Variants in ST8SIA5 observed in about 807,000 individuals in gnomAD.
The protein encoded by ST8SIA5 is alpha-2,8-sialyltransferase 8E.
A neutral mutation model predicts 40.2 loss-of-function variants in ST8SIA5; 24 were observed. That is an observed-to-expected ratio of 0.60 (90% CI 0.43 to 0.84). The LOEUF (loss-of-function observed/expected upper bound fraction) is 0.84, where lower values mean the gene tolerates loss of function less well. Ranked by LOEUF, ST8SIA5 falls within the 40% of genes least tolerant of loss-of-function variation. The pLI is 0.00. For missense variants in ST8SIA5, 465 were observed against 498.5 expected, an observed-to-expected ratio of 0.93 and a Z score of 0.64; for synonymous variants, 198 against 201.8, an observed-to-expected ratio of 0.98 and a Z score of 0.16.
At position 46,708,681 on chromosome 18, in the gene ST8SIA5, C is replaced by T. The variant is rs187155668; in HGVS notation, c.132-4017G>A. On this transcript the variant is annotated intron_variant, in intron 1 of 6. Coordinates refer to ENST00000315087, the MANE Select transcript of ST8SIA5 (RefSeq NM_013305.6). ...CTGAAATTACTCAGATCAACCAATC[C>T]TAAACCTGCAAACCCTGCCTCACCA... 6.5e-4 allele frequency among the ~76,000 whole-genome samples: 99 copies of T among 152,274 alleles called. 3 individuals are homozygous for T. In the East Asian group the frequency reaches 0.015, roughly 24 times the overall value.
At chr18:46,700,730 G>A (rs962263075) in intron 2 of ST8SIA5, among the ~76,000 whole-genome samples, 1 of 152,208 alleles carries the variant, frequency 6.6e-6, no homozygotes, top group African/African-American at 2.4e-5. Flanking sequence ...CTCACCCTAG[G>A]AGCCCAGCCC....
intron 2 of ST8SIA5, among the ~76,000 whole-genome samples, chr18:46,699,623 C>T (rs2039591380): frequency 6.6e-6 from 1 of 152,216 alleles, no homozygotes; most frequent in South Asian, 2.1e-4. Flanking sequence ...TCGTGATCCA[C>T]CCGCCTCGGC....
At chr18:46,704,710 G>A (rs747011859) in intron 1 of ST8SIA5, 46 bp from the exon 2 acceptor site, 10 of 1,509,682 alleles carry the variant, frequency 6.6e-6, no homozygotes, top group South Asian at 1.1e-5. Context: ...AGGTCAGGAT[G>A]TCCAGGGCCT....
At chr18:46,726,323 G>C (rs1289821166) in intron 1 of ST8SIA5, among the ~76,000 whole-genome samples, 1 of 151,996 alleles carries the variant, frequency 6.6e-6, no homozygotes, top group Non-Finnish European at 1.5e-5. Context: ...GCTGGGCCAA[G>C]TAACAGCAAA....
At chr18:46,753,243 A>C (rs2040211182) in intron 1 of ST8SIA5, among the ~76,000 whole-genome samples, 1 of 152,222 alleles carries the variant, frequency 6.6e-6, no homozygotes, top group African/African-American at 2.4e-5. Flanking sequence ...TGTGCTGGAC[A>C]CCAAGTTTGG....
intron 6 of ST8SIA5, among the ~76,000 whole-genome samples, chr18:46,681,588 C>T (rs2039396947): frequency 1.3e-5 from 2 of 152,200 alleles, no homozygotes; most frequent in African/African-American, 4.8e-5. Flanking sequence ...GAGCTGCCTG[C>T]CCTGGTCACA....
chr18:46,682,592 T>C (rs1397273411), intron 5 of ST8SIA5, among the ~76,000 whole-genome samples: 1 of 152,106 alleles, frequency 6.6e-6, no homozygotes, highest in East Asian at 1.9e-4. Context: ...GTAGGAAGAG[T>C]AATAGCCCCC....
intron 1 of ST8SIA5, among the ~76,000 whole-genome samples, chr18:46,749,114 A>G (rs1433193636): frequency 6.6e-6 from 1 of 152,214 alleles, no homozygotes; most frequent in Admixed American, 6.5e-5. Flanking sequence ...ACATAGGACA[A>G]CATAGCATAT....
intron 1 of ST8SIA5, among the ~76,000 whole-genome samples, chr18:46,750,938 G>A (rs920009824): frequency 6.6e-6 from 1 of 152,060 alleles, no homozygotes; most frequent in African/African-American, 2.4e-5. Context: ...GTTGCTCTCA[G>A]ATTTTTTTAA....
intron 1 of ST8SIA5, among the ~76,000 whole-genome samples, chr18:46,711,451 A>C (rs1281718287): frequency 6.6e-6 from 1 of 152,188 alleles, no homozygotes; most frequent in Non-Finnish European, 1.5e-5. Flanking sequence ...GGACTGTGAG[A>C]GCCCGGAACC....
rs1391106601 is a variant in ST8SIA5 at position 46,673,930 on chromosome 18, G to A, written c.*6112C>T. ...TAGCCTCTTCCCAGAGGGTGCTCTG[G>A]TTACAGGGAGGAGACTAGGTCAGGG... On this transcript the variant is annotated 3_prime_UTR_variant, in exon 7 of 7. Transcript: ENST00000315087. The A allele has an allele frequency of 6.6e-6, 1 of 152,146 alleles. No homozygotes were observed. The allele number at this position is 152,146 out of a possible 1,614,324, so 9.4% of individuals were successfully genotyped here.
intron 1 of ST8SIA5, among the ~76,000 whole-genome samples, chr18:46,732,975 C>A (rs565731747): frequency 6.6e-6 from 1 of 152,250 alleles, no homozygotes; most frequent in African/African-American, 2.4e-5. Context: ...ACATCCCTCA[C>A]AAGGGATAGC....
intron 1 of ST8SIA5, 96 bp from the exon 2 acceptor site, chr18:46,704,760 G>T: frequency 9.4e-7 from 1 of 1,064,596 alleles, no homozygotes; most frequent in Non-Finnish European, 1.4e-6. Context: ...CTGTCCCAGT[G>T]AAATAAATAA....
At chr18:46,732,796 G>C (rs1051422313) in intron 1 of ST8SIA5, among the ~76,000 whole-genome samples, 11 of 152,172 alleles carry the variant, frequency 7.2e-5, no homozygotes, top group African/African-American at 2.6e-4. Flanking sequence ...TGGGTTGTGG[G>C]GGCGAAAGGC....
intron 1 of ST8SIA5, among the ~76,000 whole-genome samples, chr18:46,719,197 G>C (rs1437204191): frequency 6.6e-6 from 1 of 152,198 alleles, no homozygotes; most frequent in African/African-American, 2.4e-5. Context: ...AGTCAACTCA[G>C]CTGCTAACAA....
intron 5 of ST8SIA5, 40 bp from the exon 6 acceptor site, chr18:46,682,104 C>T (rs375783622): frequency 8.8e-6 from 13 of 1,470,778 alleles, no homozygotes; most frequent in Non-Finnish European, 1.1e-5. Context: ...GTTGGTCATT[C>T]AATAGGTCAG....
intron 1 of ST8SIA5, among the ~76,000 whole-genome samples, chr18:46,726,736 G>A (rs2039934819): frequency 1.3e-5 from 2 of 152,062 alleles, no homozygotes; most frequent in African/African-American, 4.8e-5. Context: ...GGCCAAGATG[G>A]TGGATCCCCA....
intron 1 of ST8SIA5, among the ~76,000 whole-genome samples, chr18:46,724,022 G>A (rs1434112520): frequency 6.6e-6 from 1 of 152,146 alleles, no homozygotes; most frequent in African/African-American, 2.4e-5. Flanking sequence ...ATGGTCACTG[G>A]AGCTGGGAAC....
intron 2 of ST8SIA5, among the ~76,000 whole-genome samples, chr18:46,701,889 T>C (rs2039620546): frequency 6.6e-6 from 1 of 152,192 alleles, no homozygotes; most frequent in African/African-American, 2.4e-5. Flanking sequence ...GGCTCACGCC[T>C]GTAATCCCAG....
Sources: allele counts gnomAD v4.1 joint callset (sites outside exome capture counted in the v4.1 genomes callset), GRCh38; gene constraint gnomAD v4.1.1; transcripts MANE v1.5; gene names NCBI Gene and HGNC (gene_info 2026-07-23, HGNC 2026-07-21).